Variants in DEUP1 observed in about 807,000 individuals in gnomAD.
DEUP1 encodes deuterosome assembly protein 1.
In DEUP1, 82 loss-of-function variants were observed where a neutral mutation model predicts 87.4. The ratio of observed to expected loss-of-function variants is 0.94; its 90% confidence interval spans 0.78 to 1.13. The LOEUF is 1.13. Ranked by LOEUF, DEUP1 falls within the 50% of genes most tolerant of loss-of-function variation. The pLI is 0.00. For missense variants in DEUP1, 663 were observed against 681.5 expected (o/e 0.97, Z 0.30); for synonymous variants, 214 against 222.7 (o/e 0.96, Z 0.35).
intron 7 of DEUP1, among the ~76,000 whole-genome samples, chr11:93,379,188 G>A (rs1946184549): frequency 6.6e-6 from 1 of 152,238 alleles, no homozygotes; most frequent in African/African-American, 2.4e-5. Context: ...TTTTCAGGCT[G>A]AGAGTCAGCT....
intron 2 of DEUP1, among the ~76,000 whole-genome samples, chr11:93,340,960 G>A (rs552683901): frequency 6.6e-6 from 1 of 152,338 alleles, no homozygotes; most frequent in South Asian, 2.1e-4. Flanking sequence ...ATTGTTTCAA[G>A]ATAGCTGAAC....
chr11:93,402,229 A>G (rs1023767646), intron 11 of DEUP1, among the ~76,000 whole-genome samples: 17 of 152,134 alleles, frequency 1.1e-4, no homozygotes, highest in Admixed American at 6.6e-5. Flanking sequence ...GAAGACATAC[A>G]GATGGCCAAC....
At chr11:93,420,655 G>A (rs1227478680) in intron 13 of DEUP1, among the ~76,000 whole-genome samples, 6 of 146,168 alleles carry the variant, frequency 4.1e-5, no homozygotes, top group African/African-American at 1.0e-4. Context: ...ATTGTATATC[G>A]AGAAAACCCC....
At chr11:93,360,455 AC>A (rs1945116737) in intron 4 of DEUP1, among the ~76,000 whole-genome samples, 1 of 152,210 alleles carries the variant, frequency 6.6e-6, no homozygotes, top group Non-Finnish European at 1.5e-5. Flanking sequence ...ATAAGAAAAG[AC>A]ACTCAACAGA....
intron 7 of DEUP1, among the ~76,000 whole-genome samples, chr11:93,379,021 T>C (rs1946173944): frequency 6.6e-6 from 1 of 152,234 alleles, no homozygotes; most frequent in Admixed American, 6.5e-5. Flanking sequence ...TGCTCTGTTC[T>C]ATTTAGTTTG....
chr11:93,391,457 C>T (rs1419349139), intron 9 of DEUP1, among the ~76,000 whole-genome samples: 2 of 151,936 alleles, frequency 1.3e-5, no homozygotes, highest in African/African-American at 4.8e-5. Flanking sequence ...CGCCTGTAAT[C>T]CCAGCACTTT....
At chr11:93,367,622 A>C (rs1279515663) in intron 5 of DEUP1, among the ~76,000 whole-genome samples, 1 of 152,144 alleles carries the variant, frequency 6.6e-6, no homozygotes, top group Non-Finnish European at 1.5e-5. Context: ...TTCTTTCAAA[A>C]ATTTTTTTAA....
At chr11:93,343,637 T>C (rs987351864) in intron 2 of DEUP1, among the ~76,000 whole-genome samples, 2 of 152,226 alleles carry the variant, frequency 1.3e-5, no homozygotes, top group African/African-American at 2.4e-5. Flanking sequence ...AGAAAAAGTT[T>C]ATCTGTAATA....
chr11:93,405,550 A>G lies in DEUP1; in HGVS notation c.1327-2681A>G, dbSNP rs111511662. Among the ~76,000 whole-genome samples the G allele has an allele frequency of 4.0e-3, 608 of 152,118 alleles. 3 individuals carry two copies. The highest frequency in any genetic ancestry group is 0.014 in the African/African-American group (573 of 41,558). ...CTGAAGCATTTTCTTCCATTCAAAA[A>G]TGAGACTTTGCTACATATTTACTAA... On this transcript the variant is annotated intron_variant, in intron 11 of 13. Coordinates refer to ENST00000298050, the MANE Select transcript of DEUP1 (RefSeq NM_181645.4).
At chr11:93,340,227 G>C (rs1192241362) in intron 2 of DEUP1, among the ~76,000 whole-genome samples, 1 of 152,222 alleles carries the variant, frequency 6.6e-6, no homozygotes, top group East Asian at 1.9e-4. Context: ...GAGTAAATCT[G>C]GTTAGGTGAC....
intron 2 of DEUP1, among the ~76,000 whole-genome samples, chr11:93,333,196 C>T (rs1189013557): frequency 6.6e-6 from 1 of 152,194 alleles, no homozygotes; most frequent in Non-Finnish European, 1.5e-5. Flanking sequence ...GCTCTTATAA[C>T]AAAGAGACTC....
intron 13 of DEUP1, among the ~76,000 whole-genome samples, chr11:93,427,234 G>A (rs1003014152): frequency 2.0e-5 from 3 of 150,570 alleles, no homozygotes; most frequent in African/African-American, 7.3e-5. Flanking sequence ...ATACTACAAG[G>A]CTACAGTAAC....
At chr11:93,384,882 T>C (rs569195489) in intron 7 of DEUP1, among the ~76,000 whole-genome samples, 6 of 152,290 alleles carry the variant, frequency 3.9e-5, no homozygotes, top group African/African-American at 1.4e-4. Flanking sequence ...TCTGTGTCTG[T>C]ATCCCCAGAG....
At chr11:93,334,498 A>G (rs1029236722) in intron 2 of DEUP1, among the ~76,000 whole-genome samples, 1 of 151,234 alleles carries the variant, frequency 6.6e-6, no homozygotes, top group African/African-American at 2.5e-5. Context: ...ATATGAAGAA[A>G]AATAAAGCAG....
chr11:93,352,161 A>G (rs1944655243), intron 2 of DEUP1: 1 of 512,528 alleles, frequency 2.0e-6, no homozygotes, highest in African/African-American at 1.9e-5. Context: ...AACTAAATGG[A>G]GGAAATGCTG....
intron 2 of DEUP1, among the ~76,000 whole-genome samples, chr11:93,345,338 A>G (rs1343649628): frequency 6.6e-6 from 1 of 152,190 alleles, no homozygotes; most frequent in Non-Finnish European, 1.5e-5. Context: ...ATGTGTCTTT[A>G]TGATAGAACG....
chr11:93,414,978 A>G, intron 12 of DEUP1, 22 bp from the exon 13 acceptor site: 1 of 1,353,412 alleles, frequency 7.4e-7, no homozygotes, highest in Non-Finnish European at 1.0e-6. Flanking sequence ...AGCAACAACA[A>G]CAACCATTTC....
At chr11:93,360,153 A>C (rs147244610) in intron 4 of DEUP1, among the ~76,000 whole-genome samples, 1 of 152,208 alleles carries the variant, frequency 6.6e-6, no homozygotes, top group Non-Finnish European at 1.5e-5. Context: ...CCTTCAATCA[A>C]AGTGTATTAG....
chr11:93,377,086 A>G (rs1471134858), intron 7 of DEUP1, among the ~76,000 whole-genome samples: 8 of 152,160 alleles, frequency 5.3e-5, no homozygotes, highest in Admixed American at 5.2e-4. Flanking sequence ...AATAGAATAT[A>G]TATTTGCAGT....
Sources: allele counts gnomAD v4.1 joint callset (sites outside exome capture counted in the v4.1 genomes callset), GRCh38; gene constraint gnomAD v4.1.1; transcripts MANE v1.5; gene names NCBI Gene and HGNC (gene_info 2026-07-23, HGNC 2026-07-21).